COPA: variants seen among roughly 807,000 people sequenced by gnomAD.
COPA encodes coat protein complex I subunit alpha.
COPA carries 10 observed loss-of-function variants against 158.7 expected under a neutral mutation model. The ratio of observed to expected loss-of-function variants is 0.06; its 90% confidence interval spans 0.04 to 0.11. COPA has a LOEUF of 0.11. Ranked by LOEUF, COPA falls within the 10% of genes least tolerant of loss-of-function variation. The pLI is 1.00. For missense variants in COPA, 1,065 were observed against 1,536.7 expected (o/e 0.69, Z 5.13); for synonymous variants, 462 against 542.8 (o/e 0.85, Z 2.07).
At position 160,290,190 on chromosome 1, in the gene COPA, A is replaced by C; in HGVS notation, c.3642T>G (p.Ile1214Met). 6.2e-7 allele frequency: 1 copy of C among 1,614,184 alleles called. No individual in the cohort carries two copies. Among genetic ancestry groups the C allele is most frequent in the South Asian group, 1.1e-5 (1 of 91,084 alleles). Residue 1214 changes from isoleucine to methionine, a missense_variant, in exon 33 of 33, where the codon ATT becomes ATG. By Grantham distance (10) the Ile-to-Met change is conservative. Transcript: ENST00000241704. ...TTVTEIGKDV[I>M]GLRISPLQFR ...ACTGCAGAGGACTGATCCTTAAACC[A>C]ATCACATCTTTGCCAATCTCTGTCA...
intron 19 of COPA, among the ~76,000 whole-genome samples, chr1:160,298,445 G>A (rs950015116): frequency 6.6e-6 from 1 of 152,158 alleles, no homozygotes; most frequent in Admixed American, 6.5e-5. Context: ...ACTGGAAAAC[G>A]TTTTCATAAG....
At chr1:160,318,500 A>C (rs1453983280) in intron 8 of COPA, among the ~76,000 whole-genome samples, 2 of 130,238 alleles carry the variant, frequency 1.5e-5, no homozygotes, top group East Asian at 2.1e-4. Flanking sequence ...AACAAAAAAA[A>C]AAAAAAAACA....
chr1:160,331,236 T>C (rs1352326429), intron 6 of COPA, among the ~76,000 whole-genome samples: 2 of 152,178 alleles, frequency 1.3e-5, no homozygotes, highest in Non-Finnish European at 2.9e-5. Context: ...ATCTCCTCTA[T>C]ATAAGACTAA....
At chr1:160,330,757 C>G (rs975506587) in intron 6 of COPA, among the ~76,000 whole-genome samples, 1 of 152,170 alleles carries the variant, frequency 6.6e-6, no homozygotes, top group Non-Finnish European at 1.5e-5. Flanking sequence ...TCCTTTATTA[C>G]AAAGAACCAA....
Position 160,305,761 on chromosome 1 carries a change from A to C in COPA, c.1455T>G (p.Ser485=). The change falls in exon 16 of 33, where the codon TCT becomes TCG. Residue 485 remains serine, a synonymous_variant. Transcript: ENST00000241704. The part of the protein sequence containing the change: ...FDVQQKRTLA[S]VKISKVKYVI... ...CGTATTTCACTTTAGAAATCTTCACAGATGCCAGAGTCCTGAGATAGATAG... is the reference window on the plus strand; with the variant it reads ...CGTATTTCACTTTAGAAATCTTCACCGATGCCAGAGTCCTGAGATAGATAG... 1 of 1,613,974 alleles carries C rather than the reference A, an allele frequency of 6.2e-7. No individual in the cohort carries two copies. The highest frequency in any genetic ancestry group is 8.5e-7 in the Non-Finnish European group (1 of 1,179,900).
At chr1:160,290,294 T>C (rs1658182341) in intron 32 of COPA, 78 bp from the exon 33 acceptor site, 1 of 1,522,328 alleles carries the variant, frequency 6.6e-7, no homozygotes, top group South Asian at 1.2e-5. Context: ...CCTATACCCC[T>C]CAATGGGCAC....
Position 160,292,613 on chromosome 1 carries a change from T to C in COPA, c.2831A>G (p.His944Arg). Residue 944 changes from histidine to arginine, a missense_variant, in exon 28 of 33, where the codon CAT (histidine) becomes CGT (arginine). Coordinates refer to ENST00000241704, the MANE Select transcript of COPA (RefSeq NM_004371.4). Reference sequence around the variant, plus strand: ...AAACTGGATTACCCCTACTTGGTCATGAAGGAGCTGGAACAGAAGGAAAGA... The same window carrying C: ...AAACTGGATTACCCCTACTTGGTCACGAAGGAGCTGGAACAGAAGGAAAGA... ...GSFETAMRLL[H>R]DQVGVIQFGP... 6.3e-7 allele frequency: 1 copy of C among 1,599,422 alleles called. No individual in the cohort carries two copies. Among genetic ancestry groups the C allele is most frequent in the Non-Finnish European group, 8.5e-7 (1 of 1,174,816 alleles).
intron 13 of COPA, among the ~76,000 whole-genome samples, chr1:160,307,495 C>T (rs1658828556): frequency 6.6e-6 from 1 of 152,276 alleles, no homozygotes; most frequent in African/African-American, 2.4e-5. Flanking sequence ...TTTCAGCCAA[C>T]ATCATGTACT....
intron 8 of COPA, among the ~76,000 whole-genome samples, chr1:160,319,914 CAAAAAA>C (rs80269064): frequency 7.9e-5 from 6 of 75,566 alleles, no homozygotes; most frequent in Non-Finnish European, 1.5e-4. Flanking sequence ...ACACCTATGT[CAAAAAA>C]AAAAAAAAAA....
intron 11 of COPA, 63 bp from the exon 12 acceptor site, chr1:160,310,321 G>GA (rs1658922832): frequency 2.8e-5 from 28 of 1,009,426 alleles, no homozygotes. Context: ...AGGAAGAAAG[G>GA]AATCACCCCC....
At chr1:160,336,150 G>A (rs969376098) in intron 3 of COPA, among the ~76,000 whole-genome samples, 53 of 151,218 alleles carry the variant, frequency 3.5e-4, no homozygotes, top group Non-Finnish European at 6.6e-4. Flanking sequence ...GTTTGGGACC[G>A]GCCTGGCCAA....
At chr1:160,292,686 A>T in intron 27 of COPA, 66 bp from the exon 28 acceptor site, 1 of 1,345,680 alleles carries the variant, frequency 7.4e-7, no homozygotes, top group Non-Finnish European at 1.0e-6. Context: ...TTCCTTGGGC[A>T]AGGTAATTAA....
intron 19 of COPA, among the ~76,000 whole-genome samples, chr1:160,298,395 T>C (rs986744633): frequency 1.3e-5 from 2 of 152,188 alleles, no homozygotes; most frequent in Non-Finnish European, 2.9e-5. Context: ...ACAGGGGCTT[T>C]AGCAAAGACA....
intron 6 of COPA, among the ~76,000 whole-genome samples, chr1:160,327,232 T>A (rs1320076497): frequency 6.6e-6 from 1 of 152,164 alleles, no homozygotes; most frequent in African/African-American, 2.4e-5. Flanking sequence ...AAATAAAAAC[T>A]CTCATTGAAA....
At chr1:160,338,867 G>T (rs1386945666) in intron 3 of COPA, among the ~76,000 whole-genome samples, 4 of 152,040 alleles carry the variant, frequency 2.6e-5, no homozygotes, top group Non-Finnish European at 5.9e-5. Flanking sequence ...TACTCCTTGA[G>T]CAATATCTTC....
intron 11 of COPA, 94 bp downstream of exon 11, chr1:160,311,774 T>A (rs1280077875): frequency 5.9e-6 from 7 of 1,182,098 alleles, no homozygotes; most frequent in Middle Eastern, 2.2e-4. Flanking sequence ...ATAAAATAAA[T>A]AAATGAAAGA....
chr1:160,309,133 A>T lies in COPA; in HGVS notation c.1187T>A (p.Ile396Asn). 6.2e-7 allele frequency: 1 copy of T among 1,613,852 alleles called. No individual in the cohort carries two copies. The highest frequency in any genetic ancestry group is 8.5e-7 in the Non-Finnish European group (1 of 1,179,740). The change falls in exon 13 of 33, where the codon ATC becomes AAC. Residue 396 changes from isoleucine to asparagine, a missense_variant. Around this residue, in one of 2 missense-constraint regions of COPA, gnomAD observed 980 missense variants for 1,357.8 expected, o/e 0.72. Transcript: ENST00000241704. The part of the protein sequence containing the change: ...LENSTYDLYT[I>N]PKDADSQNPD... ...ATTCTGGGAGTCAGCATCTTTAGGG[A>T]TGGTGTACAGGTCATAGGTACTATT... is the stretch of plus-strand genomic sequence containing the variant.
Position 160,335,339 on chromosome 1 carries a change from A to G in COPA, c.229-17T>C. The G allele has an allele frequency of 6.2e-7, 1 of 1,601,956 alleles. No homozygotes were observed. Among genetic ancestry groups the G allele is most frequent in the South Asian group, 1.1e-5 (1 of 88,286 alleles). On this transcript the variant is annotated splice_polypyrimidine_tract_variant and intron_variant, in intron 3 of 32. Coordinates refer to ENST00000241704, the MANE Select transcript of COPA (RefSeq NM_004371.4). ...ATTCCAAACCTGCAAAGACAAATCA[A>G]ACTAAGAAACAGAAATAGTTATTGA...
In COPA at chr1:160,294,845, GCTC is replaced by G. The variant is rs1385646778; in HGVS notation, c.2486_2488del (p.Gly829del). ...GTCAATGTCAATGTCAGCAGCCAGT[GCTC>G]CTCCCTTCCCTACAGAGGGAAGGAA... On this transcript the variant is annotated inframe_deletion, in exon 24 of 33. Coordinates refer to ENST00000241704, the MANE Select transcript of COPA (RefSeq NM_004371.4). 6.2e-7 allele frequency: 1 copy of G among 1,613,982 alleles called. No individual in the cohort carries two copies. Among genetic ancestry groups the G allele is most frequent in the African/African-American group, 1.3e-5 (1 of 74,908 alleles).
Sources: allele counts gnomAD v4.1 joint callset (sites outside exome capture counted in the v4.1 genomes callset), GRCh38; gene constraint gnomAD v4.1.1; regional missense constraint gnomAD v4.1.1; transcripts MANE v1.5; gene names NCBI Gene and HGNC (gene_info 2026-07-23, HGNC 2026-07-21).